GFRA2: variants seen among roughly 807,000 people sequenced by gnomAD.
GFRA2 encodes the protein GDNF family receptor alpha 2.
A neutral mutation model predicts 48.3 loss-of-function variants in GFRA2; 17 were observed. The observed-to-expected ratio is 0.35, with a 90% CI of 0.24 to 0.53. The LOEUF (loss-of-function observed/expected upper bound fraction) is 0.53, where lower values mean the gene tolerates loss of function less well. Among genes scored for constraint, GFRA2 ranks in the 20% least tolerant of loss-of-function variants. The pLI is 0.93. For synonymous variants in GFRA2, 305 were observed against 257.2 expected (o/e 1.19, Z -1.78); for missense variants, 660 against 637.3 (o/e 1.04, Z -0.38).
At chr8:21,739,871 G>A (rs929708101) in intron 4 of GFRA2, among the ~76,000 whole-genome samples, 5 of 152,238 alleles carry the variant, frequency 3.3e-5, no homozygotes, top group Admixed American at 1.3e-4. Flanking sequence ...GCTTCTCTAA[G>A]GGGCTGGGCC....
upstream of GFRA2, among the ~76,000 whole-genome samples, chr8:21,791,037 C>T (rs991578020): frequency 1.8e-4 from 28 of 152,258 alleles, no homozygotes; most frequent in African/African-American, 5.1e-4. Flanking sequence ...CGGAATCTCA[C>T]GCAGGCCTTC....
At chr8:21,739,452 C>T (rs575465782) in intron 4 of GFRA2, among the ~76,000 whole-genome samples, 5 of 152,292 alleles carry the variant, frequency 3.3e-5, no homozygotes, top group African/African-American at 1.2e-4. Flanking sequence ...TTTAGTGTAA[C>T]TCCTAATCCA....
chr8:21,694,554 A>G (rs1339742425), intron 7 of GFRA2, 37 bp from the exon 8 acceptor site: 1 of 1,592,022 alleles, frequency 6.3e-7, no homozygotes, highest in South Asian at 1.1e-5. Context: ...ACGAGTCACC[A>G]GGCTGTTCCT....
chr8:21,696,913 G>A (rs1164442905), intron 7 of GFRA2, among the ~76,000 whole-genome samples: 1 of 140,274 alleles, frequency 7.1e-6, no homozygotes, highest in African/African-American at 2.7e-5. Context: ...AGAGGAGAGG[G>A]GACATAGTAG....
intron 8 of GFRA2, among the ~76,000 whole-genome samples, chr8:21,694,077 T>A (rs28641873): frequency 0.044 from 4,603 of 104,846 alleles, 333 homozygotes; most frequent in East Asian, 0.12. Flanking sequence ...TTATTTATTT[T>A]TATATATATA....
rs942575357 is a variant in GFRA2, at chr8:21,691,289, C to T, written c.*1989G>A. On this transcript the variant is annotated 3_prime_UTR_variant, in exon 9 of 9. Coordinates refer to ENST00000524240, the MANE Select transcript of GFRA2 (RefSeq NM_001495.5). ...GTGCGAGCCTGCACACGACCGCACA[C>T]ACATGTACACATGCTCACATACATG... 6.6e-6 allele frequency: 1 copy of T among 152,248 alleles called. No homozygotes were observed. Among genetic ancestry groups the T allele is most frequent in the Non-Finnish European group, 1.5e-5 (1 of 68,056 alleles). 9.4% of individuals were successfully genotyped at this position (152,248 alleles called of 1,614,324 possible). A position where few individuals can be genotyped will look rare whatever the true frequency, so the allele number is the denominator to read the frequency against.
At chr8:21,793,700 C>A (rs1428149481), upstream of GFRA2, among the ~76,000 whole-genome samples, 9 of 152,070 alleles carry the variant, frequency 5.9e-5, no homozygotes, top group African/African-American at 1.9e-4. Flanking sequence ...CTCGGGCAGT[C>A]AGGATCCAGC....
At chr8:21,728,719 C>T (rs1035606516) in intron 4 of GFRA2, among the ~76,000 whole-genome samples, 5 of 152,200 alleles carry the variant, frequency 3.3e-5, no homozygotes, top group African/African-American at 1.2e-4. Flanking sequence ...TATCATAAGC[C>T]ATGTGACCTT....
Position 21,788,100 on chromosome 8 carries a change from C to A in GFRA2, c.40+20G>T. 1 of 1,444,684 alleles carries A rather than the reference C, an allele frequency of 6.9e-7. No homozygotes were observed. The highest frequency in any genetic ancestry group is 9.5e-7 in the Non-Finnish European group (1 of 1,057,668). 89.5% of individuals were successfully genotyped at this position (1,444,684 alleles called of 1,614,324 possible). A position where few individuals can be genotyped will look rare whatever the true frequency, so the allele number is the denominator to read the frequency against. On this transcript the variant is annotated intron_variant, in intron 1 of 8. Transcript: ENST00000524240. Reference sequence around the variant, plus strand: ...CGGCTTCTCGCCTCCCCCTCGAGCTCGCCGCCCGCAGGTACTCACCTAGAA... The same window carrying A: ...CGGCTTCTCGCCTCCCCCTCGAGCTAGCCGCCCGCAGGTACTCACCTAGAA...
At chr8:21,696,137 CCTCTGTCCCCTCTCCCTCT>C (rs1802159565) in intron 7 of GFRA2, among the ~76,000 whole-genome samples, 1 of 5,286 alleles carries the variant, frequency 1.9e-4, no homozygotes, top group African/African-American at 7.9e-4. Context: ...CTCCCCTCTC[CCTCTGTCCCCTCTCCCTCT>C]GTCCCCTTTC....
At chr8:21,763,753 T>C (rs1806020230) in intron 3 of GFRA2, among the ~76,000 whole-genome samples, 1 of 151,154 alleles carries the variant, frequency 6.6e-6, no homozygotes, top group Non-Finnish European at 1.5e-5. Context: ...AAACACTTGC[T>C]CTCCCTCATC....
intron 2 of GFRA2, among the ~76,000 whole-genome samples, chr8:21,801,643 T>C (rs1807772627): frequency 6.8e-6 from 1 of 147,950 alleles, no homozygotes; most frequent in African/African-American, 2.5e-5. Context: ...TAGACACCTA[T>C]TGTGCTCCAG....
rs1802032776 is a variant in GFRA2, at chr8:21,694,077, T to TTTATATATATATA, written c.1272+386_1272+387insTATATATATATAA. Among the ~76,000 whole-genome samples the TTTATATATATATA allele has an allele frequency of 2.4e-4, 26 of 109,296 alleles. 3 individuals carry two copies. The highest frequency in any genetic ancestry group is 6.1e-4 in the South Asian group (2 of 3,302). The allele number at this position is 109,296 out of a possible 152,430, so 71.7% of individuals were successfully genotyped here. On this transcript the variant is annotated intron_variant, in intron 8 of 8. Transcript: ENST00000524240. ...TATTTATATATATATTTATTTATTT[T>TTTATATATATATA]TATATATATATATATTTCCTATAGT...
chr8:21,749,933 C>T (rs541623782), intron 4 of GFRA2, among the ~76,000 whole-genome samples: 2 of 152,066 alleles, frequency 1.3e-5, no homozygotes, highest in African/African-American at 2.4e-5. Context: ...CAAAGCTTAG[C>T]GCAGAGCCTA....
intron 1 of GFRA2, chr8:21,783,118 T>C: frequency 2.9e-6 from 2 of 685,112 alleles, no homozygotes. Flanking sequence ...TTGCACTCCA[T>C]TCCTCCTCAG....
At chr8:21,699,811 C>A (rs372102820) in intron 7 of GFRA2, among the ~76,000 whole-genome samples, 10 of 152,304 alleles carry the variant, frequency 6.6e-5, no homozygotes, top group African/African-American at 2.2e-4. Flanking sequence ...ATCCAATGAA[C>A]TGGGGACACC....
In GFRA2 at chr8:21,695,547, G is replaced by T. The variant is rs1405865414; in HGVS notation, c.1219-1030C>A. Among the ~76,000 whole-genome samples, 9 of 152,182 alleles carry T rather than the reference G, an allele frequency of 5.9e-5. No individual in the cohort carries two copies. In the South Asian group the frequency reaches 1.9e-3, roughly 32 times the overall value. On this transcript the variant is annotated intron_variant, in intron 7 of 8. Transcript: ENST00000524240. ...GAGTAGAGTCACTGCCAATGGTGGA[G>T]ATAGGACCACGGTGATGATTAGCAC...
intron 4 of GFRA2, among the ~76,000 whole-genome samples, chr8:21,742,034 C>T (rs964471684): frequency 7.9e-5 from 12 of 151,888 alleles, no homozygotes; most frequent in Admixed American, 6.6e-4. Context: ...AGGAAAGCCA[C>T]GTGATGTCAC....
At position 21,782,628 on chromosome 8, in the gene GFRA2, C is replaced by T. The variant is rs1226035587; in HGVS notation, c.312G>A (p.Gln104=). The change falls in exon 2 of 9, where the codon CAG becomes CAA. Residue 104 remains glutamine, a synonymous_variant. Transcript: ENST00000524240. ...RCKRGMKKEL[Q]CLQIYWSIHL... ...GGATGCTCCAGTAGATCTGCAGACA[C>T]TGCAGCTCCTTCTTCATGCCCCGCT... 32 of 1,585,616 alleles carry T rather than the reference C, an allele frequency of 2.0e-5. No individual in the cohort carries two copies. Among genetic ancestry groups the T allele is most frequent in the Non-Finnish European group, 2.7e-5 (31 of 1,166,644 alleles).
Sources: allele counts gnomAD v4.1 joint callset (sites outside exome capture counted in the v4.1 genomes callset), GRCh38; gene constraint gnomAD v4.1.1; transcripts MANE v1.5; gene names NCBI Gene and HGNC (gene_info 2026-07-23, HGNC 2026-07-21).